The following PHKB variants were observed in gnomAD, a reference collection of about 807,000 sequenced individuals.
The protein encoded by PHKB is phosphorylase b kinase regulatory subunit beta.
PHKB carries 122 observed loss-of-function variants against 152.1 expected under a neutral mutation model. That is an observed-to-expected ratio of 0.80 (90% CI 0.69 to 0.93). The LOEUF is 0.93. Ranked by LOEUF, PHKB falls within the 40% of genes least tolerant of loss-of-function variation. The probability of loss-of-function intolerance (pLI) is 0.00; values close to 1 mark genes in which losing one functional copy is unlikely to be tolerated. For missense variants in PHKB, 1,304 were observed against 1,328.4 expected, an observed-to-expected ratio of 0.98 and a Z score of 0.29; for synonymous variants, 436 against 464.9, an observed-to-expected ratio of 0.94 and a Z score of 0.80.
intron 13 of PHKB, chr16:47,597,951 T>G (rs1475465788): frequency 6.6e-6 from 1 of 152,000 alleles, no homozygotes; most frequent in African/African-American, 2.4e-5. Flanking sequence ...CCAAGTCAAT[T>G]TCTTCAACTG....
intron 6 of PHKB, among the ~76,000 whole-genome samples, chr16:47,526,927 G>A (rs938081865): frequency 3.3e-5 from 5 of 152,130 alleles, no homozygotes; most frequent in Admixed American, 6.5e-5. Flanking sequence ...GAGGCCTCAG[G>A]GAACTTTTCC....
chr16:47,656,895 A>T (rs1016773637), intron 20 of PHKB, among the ~76,000 whole-genome samples: 1 of 152,110 alleles, frequency 6.6e-6, no homozygotes, highest in African/African-American at 2.4e-5. Flanking sequence ...CATGCTTTCC[A>T]TGCCCCAAAT....
chr16:47,635,579 A>G (rs1469967392), intron 14 of PHKB, among the ~76,000 whole-genome samples: 1 of 152,190 alleles, frequency 6.6e-6, no homozygotes, highest in Non-Finnish European at 1.5e-5. Flanking sequence ...AAGGATGGAG[A>G]TCAGGTCAGT....
At chr16:47,694,884 A>T in intron 28 of PHKB, among the ~76,000 whole-genome samples, 1 of 152,224 alleles carries the variant, frequency 6.6e-6, no homozygotes, top group African/African-American at 2.4e-5. Context: ...GGGCCACTTA[A>T]CATGTAGTAT....
intron 1 of PHKB, among the ~76,000 whole-genome samples, chr16:47,479,235 A>G (rs1211927222): frequency 6.6e-6 from 1 of 152,156 alleles, no homozygotes; most frequent in Non-Finnish European, 1.5e-5. Flanking sequence ...TGATGAGATA[A>G]TAGCTTTGGA....
intron 1 of PHKB, chr16:47,462,206 G>C (rs1361702980): frequency 6.6e-6 from 1 of 152,210 alleles, no homozygotes; most frequent in African/African-American, 2.4e-5. Context: ...ACTTAAACAG[G>C]AAAGGTGAAA....
intron 26 of PHKB, chr16:47,676,056 T>C (rs1056802977): frequency 2.0e-5 from 3 of 152,228 alleles, no homozygotes; most frequent in Admixed American, 6.5e-5. Flanking sequence ...CATATTTGTT[T>C]ATTAGCAGCA....
At chr16:47,663,809 A>C in intron 24 of PHKB, 75 bp downstream of exon 24, 1 of 871,602 alleles carries the variant, frequency 1.1e-6, no homozygotes, top group Non-Finnish European at 2.0e-6. Flanking sequence ...AAATGGACCA[A>C]TATTAAAGAT....
Position 47,560,746 on chromosome 16 carries a change from T to A in PHKB, c.710+13198T>A, listed in dbSNP as rs544458681. ...ATCTGGACCCCTATTTCACACCATATACAAAAATTAATATGAAAGAGATCA... is the reference window on the plus strand; with the variant it reads ...ATCTGGACCCCTATTTCACACCATAAACAAAAATTAATATGAAAGAGATCA... On this transcript the variant is annotated intron_variant, in intron 7 of 30. Coordinates refer to ENST00000323584, the MANE Select transcript of PHKB (RefSeq NM_000293.3). 1.2e-3 allele frequency among the ~76,000 whole-genome samples: 178 copies of A among 152,284 alleles called. 4 individuals carry two copies. The South Asian group carries it at 0.035, about 30-fold the overall frequency.
At chr16:47,633,898 G>T (rs1972870644) in intron 14 of PHKB, among the ~76,000 whole-genome samples, 1 of 152,150 alleles carries the variant, frequency 6.6e-6, no homozygotes, top group African/African-American at 2.4e-5. Context: ...ATGCATTCAA[G>T]AAATATTTTT....
intron 6 of PHKB, among the ~76,000 whole-genome samples, chr16:47,532,511 G>A (rs1326666872): frequency 6.6e-6 from 1 of 152,234 alleles, no homozygotes; most frequent in African/African-American, 2.4e-5. Context: ...GATGTGGAGT[G>A]GTGAGGGGTG....
intron 10 of PHKB, 48 bp from the exon 11 acceptor site, chr16:47,593,452 A>T: frequency 1.0e-6 from 1 of 972,522 alleles, no homozygotes; most frequent in Non-Finnish European, 1.6e-6. Flanking sequence ...AATAATAATA[A>T]TAATTTAATT....
At chr16:47,598,341 G>A (rs1597113670) in intron 13 of PHKB, among the ~76,000 whole-genome samples, 1 of 152,090 alleles carries the variant, frequency 6.6e-6, no homozygotes, top group Non-Finnish European at 1.5e-5. Flanking sequence ...TACTACTAAA[G>A]AAACTTTACT....
intron 7 of PHKB, among the ~76,000 whole-genome samples, chr16:47,550,191 C>A (rs1971247065): frequency 1.3e-5 from 2 of 152,234 alleles, no homozygotes; most frequent in East Asian, 3.9e-4. Flanking sequence ...AGTTGAACTC[C>A]ATGTGCTCAC....
At chr16:47,636,270 T>A (rs1972918277) in intron 14 of PHKB, among the ~76,000 whole-genome samples, 1 of 152,162 alleles carries the variant, frequency 6.6e-6, no homozygotes, top group African/African-American at 2.4e-5. Flanking sequence ...AGCATCTGCT[T>A]ATAATAGCAG....
At chr16:47,546,787 T>C (rs1971175286) in intron 6 of PHKB, among the ~76,000 whole-genome samples, 1 of 152,096 alleles carries the variant, frequency 6.6e-6, no homozygotes, top group African/African-American at 2.4e-5. Flanking sequence ...CTGCTTTGTT[T>C]ACCTACTCAA....
At chr16:47,610,690 C>T in intron 13 of PHKB, 136 bp from the exon 14 acceptor site, 1 of 689,852 alleles carries the variant, frequency 1.4e-6, no homozygotes, top group South Asian at 1.6e-5. Context: ...TGTGGTATAT[C>T]CTGGTGGAGG....
At chr16:47,590,696 A>T (rs1972014157) in intron 10 of PHKB, 1 of 152,218 alleles carries the variant, frequency 6.6e-6, no homozygotes, top group South Asian at 2.1e-4. Flanking sequence ...GGATCTGTCC[A>T]GCAAGCTTTC....
intron 14 of PHKB, among the ~76,000 whole-genome samples, chr16:47,625,858 C>T (rs1972699987): frequency 6.6e-6 from 1 of 152,114 alleles, no homozygotes; most frequent in Non-Finnish European, 1.5e-5. Context: ...AGCTCAGATA[C>T]CTTTTCTATA....
Sources: allele counts gnomAD v4.1 joint callset (sites outside exome capture counted in the v4.1 genomes callset), GRCh38; gene constraint gnomAD v4.1.1; transcripts MANE v1.5; gene names NCBI Gene and HGNC (gene_info 2026-07-23, HGNC 2026-07-21).